RNF150: variants seen among roughly 807,000 people sequenced by gnomAD.
RNF150 encodes the protein ring finger protein 150.
RNF150 carries 24 observed loss-of-function variants against 39.3 expected under a neutral mutation model. The observed-to-expected ratio is 0.61, with a 90% CI of 0.44 to 0.86. The LOEUF (loss-of-function observed/expected upper bound fraction) is 0.86. RNF150 is among the 40% of genes least tolerant of loss of function. The pLI is 0.00. For missense variants in RNF150, 502 were observed against 587.8 expected, an observed-to-expected ratio of 0.85 and a Z score of 1.51; for synonymous variants, 255 against 227.3, an observed-to-expected ratio of 1.12 and a Z score of -1.10.
chr4:140,960,619 C>A (rs1246314259), intron 2 of RNF150, among the ~76,000 whole-genome samples: 1 of 152,006 alleles, frequency 6.6e-6, no homozygotes, highest in Non-Finnish European at 1.5e-5. Flanking sequence ...TCAACAATGG[C>A]CAATAATTTA....
At chr4:140,938,292 T>A (rs1277085345) in intron 4 of RNF150, among the ~76,000 whole-genome samples, 1 of 152,166 alleles carries the variant, frequency 6.6e-6, no homozygotes, top group African/African-American at 2.4e-5. Flanking sequence ...TTCACTTTTT[T>A]TTTTACATAA....
intron 1 of RNF150, among the ~76,000 whole-genome samples, chr4:141,057,822 G>A (rs910292347): frequency 6.6e-6 from 1 of 152,070 alleles, no homozygotes; most frequent in Non-Finnish European, 1.5e-5. Flanking sequence ...CCATCGATAA[G>A]ACCAAACCCC....
At chr4:141,004,279 A>T (rs1386692659) in intron 1 of RNF150, among the ~76,000 whole-genome samples, 1 of 152,110 alleles carries the variant, frequency 6.6e-6, no homozygotes, top group African/African-American at 2.4e-5. Flanking sequence ...AAACTGAGAC[A>T]ACTAACAAGA....
Position 140,967,815 on chromosome 4 carries a change from G to A in RNF150, c.543C>T (p.Ser181=), listed in dbSNP as rs757504087. 6.2e-7 allele frequency: 1 copy of A among 1,613,404 alleles called. No homozygotes were observed. Among genetic ancestry groups the A allele is most frequent in the Non-Finnish European group, 8.5e-7 (1 of 1,179,564 alleles). ...TCACGGTGATGTTTCTTTCCAGCAG[G>A]CTTACTATCTCCTTCCCTTTTGGCT... ...IPEPKGKEIV[S]LLERNITVTM... is the part of the protein sequence containing the mutation. The change falls in exon 2 of 7, where the codon AGC becomes AGT. Residue 181 remains serine (S), a synonymous_variant. Coordinates refer to ENST00000515673, the MANE Select transcript of RNF150 (RefSeq NM_020724.2).
intron 4 of RNF150, among the ~76,000 whole-genome samples, chr4:140,947,338 T>C (rs1363958987): frequency 6.6e-6 from 1 of 152,216 alleles, no homozygotes. Flanking sequence ...CTGAACATCA[T>C]AGATCTGTTG....
At chr4:140,957,744 T>A (rs1483725756) in intron 2 of RNF150, among the ~76,000 whole-genome samples, 1 of 152,046 alleles carries the variant, frequency 6.6e-6, no homozygotes, top group Non-Finnish European at 1.5e-5. Context: ...GTTTATGTCC[T>A]TTGTAGGGAC....
chr4:140,919,315 G>T, intron 5 of RNF150, among the ~76,000 whole-genome samples: 1 of 143,508 alleles, frequency 7.0e-6, no homozygotes, highest in Admixed American at 7.2e-5. Context: ...ATCTCCTTAA[G>T]CTGATAAGCA....
At chr4:141,054,175 C>A (rs1181549999) in intron 1 of RNF150, among the ~76,000 whole-genome samples, 2 of 152,120 alleles carry the variant, frequency 1.3e-5, no homozygotes, top group African/African-American at 4.8e-5. Context: ...ATTTTGTTCA[C>A]TTGCCATGTA....
intron 2 of RNF150, among the ~76,000 whole-genome samples, chr4:140,949,573 C>T (rs560369332): frequency 4.6e-5 from 7 of 152,162 alleles, no homozygotes; most frequent in South Asian, 4.2e-4. Flanking sequence ...AAGACTTCTG[C>T]CATAGAGAGA....
Position 140,947,361 on chromosome 4 carries a change from T to C in RNF150, c.890+293A>G, listed in dbSNP as rs1001487. 0.55 allele frequency among the ~76,000 whole-genome samples: 84,123 copies of C among 152,018 alleles called. 23,942 individuals carry two copies. The highest frequency in any genetic ancestry group is 0.62 in the Non-Finnish European group (41,931 of 67,986). The stretch of plus-strand genomic sequence containing the variant: ...CATAGATCTGTTGTTCAAGAAAACT[T>C]GTACTTGGCGGCCACATCATCAAAT... On this transcript the variant is annotated intron_variant, in intron 4 of 6. Coordinates refer to ENST00000515673, the MANE Select transcript of RNF150 (RefSeq NM_020724.2).
rs1361928332 is a variant in RNF150 at position 140,864,251 on chromosome 4, T to G, written c.*4010A>C. ...TTTTCTGCCTTCTCCAGACTCTACC[T>G]CTCCCTGTGTAGATGACCAGAGTTG... On this transcript the variant is annotated 3_prime_UTR_variant, in exon 7 of 7. Coordinates refer to ENST00000515673, the MANE Select transcript of RNF150 (RefSeq NM_020724.2). The G allele has an allele frequency of 6.6e-6, 1 of 152,190 alleles. No homozygotes were observed. The highest frequency in any genetic ancestry group is 1.5e-5 in the Non-Finnish European group (1 of 68,040). 9.4% of individuals were successfully genotyped at this position (152,190 alleles called of 1,614,324 possible).
intron 1 of RNF150, among the ~76,000 whole-genome samples, chr4:141,077,250 A>G (rs1438540555): frequency 6.6e-6 from 1 of 152,250 alleles, no homozygotes; most frequent in Non-Finnish European, 1.5e-5. Flanking sequence ...AGTGGAATCA[A>G]CAAATAGTTT....
chr4:141,111,531 T>A (rs111618150), intron 1 of RNF150, among the ~76,000 whole-genome samples: 31 of 152,310 alleles, frequency 2.0e-4, no homozygotes, highest in African/African-American at 7.5e-4. Flanking sequence ...TCCACACTTG[T>A]GTTCAGAGGA....
intron 1 of RNF150, among the ~76,000 whole-genome samples, chr4:141,141,419 T>A (rs1727115745): frequency 6.6e-6 from 1 of 152,232 alleles, no homozygotes; most frequent in African/African-American, 2.4e-5. Context: ...GATAAGGTAC[T>A]TGGAAATTCT....
intron 2 of RNF150, among the ~76,000 whole-genome samples, chr4:140,952,924 C>T (rs2111384807): frequency 6.6e-6 from 1 of 152,286 alleles, no homozygotes; most frequent in South Asian, 2.1e-4. Flanking sequence ...ATTACTCACA[C>T]AATTCTAGAT....
intron 1 of RNF150, among the ~76,000 whole-genome samples, chr4:141,079,653 T>C (rs569711872): frequency 1.4e-3 from 210 of 152,356 alleles, no homozygotes; most frequent in Middle Eastern, 3.4e-3. Context: ...AATGGAAGAA[T>C]GATTTGGAGG....
chr4:141,160,288 A>G (rs139910595), intron 1 of RNF150, among the ~76,000 whole-genome samples: 139 of 152,358 alleles, frequency 9.1e-4, no homozygotes, highest in African/African-American at 3.2e-3. Context: ...AAGAATAAGT[A>G]TGGAAAGGAA....
At chr4:141,102,865 G>A (rs531422224) in intron 1 of RNF150, among the ~76,000 whole-genome samples, 4 of 152,340 alleles carry the variant, frequency 2.6e-5, no homozygotes, top group Non-Finnish European at 4.4e-5. Flanking sequence ...TGTGGTTCCA[G>A]TGTTACTACC....
At chr4:141,059,352 CTAAA>C (rs1357325702) in intron 1 of RNF150, among the ~76,000 whole-genome samples, 32 of 152,184 alleles carry the variant, frequency 2.1e-4, no homozygotes, top group Middle Eastern at 3.4e-3. Context: ...TATCCACAGT[CTAAA>C]TAAACTAGGT....
Sources: allele counts gnomAD v4.1 joint callset (sites outside exome capture counted in the v4.1 genomes callset), GRCh38; gene constraint gnomAD v4.1.1; transcripts MANE v1.5; gene names NCBI Gene and HGNC (gene_info 2026-07-23, HGNC 2026-07-21).